DENND5A: variants seen among roughly 807,000 people sequenced by gnomAD.
The protein encoded by DENND5A is DENN domain-containing protein 5A.
DENND5A carries 64 observed loss-of-function variants against 140.3 expected under a neutral mutation model. The ratio of observed to expected loss-of-function variants is 0.46; its 90% CI spans 0.37 to 0.56. DENND5A has a LOEUF of 0.56. Ranked by LOEUF, DENND5A falls within the 20% of genes least tolerant of loss-of-function variation. DENND5A has a pLI of 0.00. For missense variants in DENND5A, 1,292 were observed against 1,593.8 expected (o/e 0.81, Z 3.22); for synonymous variants, 605 against 607.7 (o/e 1.00, Z 0.07).
chr11:9,225,174 G>T (rs898062722), intron 1 of DENND5A, among the ~76,000 whole-genome samples: 1 of 152,066 alleles, frequency 6.6e-6, no homozygotes, highest in Non-Finnish European at 1.5e-5. Context: ...ACTAAATCAC[G>T]CTTTTGCCAT....
intron 3 of DENND5A, among the ~76,000 whole-genome samples, chr11:9,204,736 G>A (rs554007412): frequency 2.0e-5 from 3 of 152,248 alleles, no homozygotes; most frequent in East Asian, 1.9e-4. Flanking sequence ...GCTGGTGCAC[G>A]CCTATAATCC....
chr11:9,212,527 A>G (rs1187458529), intron 1 of DENND5A, among the ~76,000 whole-genome samples: 1 of 152,142 alleles, frequency 6.6e-6, no homozygotes, highest in Non-Finnish European at 1.5e-5. Flanking sequence ...GAAAAGAGCT[A>G]GAAAGAAAGG....
intron 1 of DENND5A, among the ~76,000 whole-genome samples, chr11:9,226,140 T>C (rs1425802177): frequency 1.3e-5 from 2 of 151,742 alleles, no homozygotes; most frequent in African/African-American, 2.4e-5. Context: ...ATCAGGTCTT[T>C]TTCTAAACCC....
At chr11:9,169,276 G>A (rs375377970) in intron 10 of DENND5A, among the ~76,000 whole-genome samples, 24 of 151,894 alleles carry the variant, frequency 1.6e-4, no homozygotes, top group Admixed American at 3.9e-4. Flanking sequence ...GTGAAACCCC[G>A]TCTCTACTAA....
At chr11:9,170,094 T>C (rs1848321860) in intron 9 of DENND5A, 145 bp from the exon 10 acceptor site, 2 of 813,374 alleles carry the variant, frequency 2.5e-6, no homozygotes, top group Non-Finnish European at 3.9e-6. Context: ...CTCAGAGACC[T>C]TGAGGAAGAG....
In DENND5A at chr11:9,172,558, T is replaced by C. The variant is rs1380876037; in HGVS notation, c.1907-1781A>G. Among the ~76,000 whole-genome samples the C allele has an allele frequency of 2.0e-5, 3 of 152,200 alleles. No homozygotes were observed. The East Asian group carries it at 5.8e-4, about 29-fold the overall frequency. The stretch of plus-strand genomic sequence containing the variant: ...GGTTTCCCTCATGCTATTCTCGCGA[T>C]AGTGAGTGAGTTCTCATAGATGTGA... On this transcript the variant is annotated intron_variant, in intron 8 of 22. Transcript: ENST00000328194.
intron 1 of DENND5A, among the ~76,000 whole-genome samples, chr11:9,255,154 C>T (rs74236208): frequency 0.16 from 24,826 of 152,042 alleles, 2,255 homozygotes; most frequent in Non-Finnish European, 0.21. Context: ...CCATGAGATA[C>T]CACTTACAGC....
rs182957607 is a variant in DENND5A, at chr11:9,162,047, T to C, written c.2284-1182A>G. ...TCAAAAGTAAGATTTAACTATGCTATAAATTTGTGATATATAAAAATCTAA... is the reference window on the plus strand; with the variant it reads ...TCAAAAGTAAGATTTAACTATGCTACAAATTTGTGATATATAAAAATCTAA... On this transcript the variant is annotated intron_variant, in intron 11 of 22. Coordinates refer to ENST00000328194, the MANE Select transcript of DENND5A (RefSeq NM_015213.4). Among the ~76,000 whole-genome samples, 470 of 151,542 alleles carry C rather than the reference T, an allele frequency of 3.1e-3. 2 individuals are homozygous for C. Among genetic ancestry groups the C allele is most frequent in the African/African-American group, 0.011 (444 of 41,388 alleles).
At chr11:9,230,025 C>A (rs1185499276) in intron 1 of DENND5A, among the ~76,000 whole-genome samples, 1 of 149,896 alleles carries the variant, frequency 6.7e-6, no homozygotes, top group Non-Finnish European at 1.5e-5. Flanking sequence ...CTGCCTCAGC[C>A]TCCCGAGTAG....
chr11:9,226,411 C>T (rs892032467), intron 1 of DENND5A, among the ~76,000 whole-genome samples: 1 of 152,074 alleles, frequency 6.6e-6, no homozygotes, highest in African/African-American at 2.4e-5. Context: ...TCCTCTTAAT[C>T]GATTTGTTCT....
Position 9,179,064 on chromosome 11 carries a change from G to A in DENND5A, c.1465C>T (p.Arg489Cys), listed in dbSNP as rs557614928. The part of the protein sequence containing the change: ...TGVSLEKLEV[R>C]EDPSSNKDLK... ...TCCTTATTGCTGCTGGGGTCTTCAC[G>A]CACTTCCAACTACAAAAAAAGAAAA... Residue 489 changes from arginine (R) to cysteine (C), a missense_variant, in exon 7 of 23, where the codon CGT becomes TGT. By Grantham distance (180) the Arg-to-Cys change is radical. This residue lies in a region of DENND5A where 566 missense variants were observed against 650.4 expected (regional missense o/e 0.87). Coordinates refer to ENST00000328194, the MANE Select transcript of DENND5A (RefSeq NM_015213.4). 1.1e-5 allele frequency: 17 copies of A among 1,613,736 alleles called. No homozygotes were observed. The African/African-American group carries it at 1.3e-4, about 13-fold the overall frequency.
chr11:9,183,127 T>A (rs115854578), intron 5 of DENND5A, among the ~76,000 whole-genome samples: 3 of 152,194 alleles, frequency 2.0e-5, no homozygotes, highest in Non-Finnish European at 4.4e-5. Context: ...TTCTTGCAGG[T>A]ATAAATTACA....
intron 4 of DENND5A, among the ~76,000 whole-genome samples, chr11:9,200,975 G>A (rs7129049): frequency 0.21 from 31,828 of 151,974 alleles, 3,506 homozygotes; most frequent in African/African-American, 0.26. Flanking sequence ...CCATTGTGGA[G>A]GTCCATTCCT....
intron 15 of DENND5A, among the ~76,000 whole-genome samples, chr11:9,148,732 C>T (rs1056023412): frequency 1.3e-5 from 2 of 152,166 alleles, no homozygotes; most frequent in African/African-American, 4.8e-5. Context: ...ATGGTGAAGA[C>T]TCTGTGAAGC....
chr11:9,253,947 C>A (rs1050503969), intron 1 of DENND5A, among the ~76,000 whole-genome samples: 2 of 152,000 alleles, frequency 1.3e-5, no homozygotes, highest in Non-Finnish European at 2.9e-5. Flanking sequence ...CATCTGAGGT[C>A]TGGAGTTCAA....
chr11:9,146,645 C>G (rs1238681714), intron 16 of DENND5A, among the ~76,000 whole-genome samples: 1 of 152,204 alleles, frequency 6.6e-6, no homozygotes, highest in Non-Finnish European at 1.5e-5. Context: ...TGGTTTGAAA[C>G]ATTCTGTGAT....
At chr11:9,232,474 G>A (rs1245746012) in intron 1 of DENND5A, among the ~76,000 whole-genome samples, 2 of 152,152 alleles carry the variant, frequency 1.3e-5, no homozygotes, top group East Asian at 3.8e-4. Flanking sequence ...AAACTTTTGA[G>A]AGGTGCTCAA....
intron 5 of DENND5A, among the ~76,000 whole-genome samples, chr11:9,182,762 T>A (rs1040621421): frequency 6.6e-6 from 1 of 151,980 alleles, no homozygotes; most frequent in Non-Finnish European, 1.5e-5. Context: ...CTGGGAAGGG[T>A]GGCAAGGAGG....
intron 10 of DENND5A, 98 bp from the exon 11 acceptor site, chr11:9,166,065 C>A: frequency 2.7e-6 from 3 of 1,124,332 alleles, no homozygotes; most frequent in South Asian, 1.5e-5. Context: ...TATTTTCTCA[C>A]ATTTTCTTTT....
Sources: allele counts gnomAD v4.1 joint callset (sites outside exome capture counted in the v4.1 genomes callset), GRCh38; gene constraint gnomAD v4.1.1; regional missense constraint gnomAD v4.1.1; transcripts MANE v1.5; gene names NCBI Gene and HGNC (gene_info 2026-07-23, HGNC 2026-07-21).